MYT1L: variants seen among roughly 807,000 people sequenced by gnomAD.
MYT1L encodes the protein myelin transcription factor 1-like protein.
Under a neutral mutation model 126.7 loss-of-function variants are expected in MYT1L, and 12 were observed. The ratio of observed to expected loss-of-function variants is 0.09; its 90% CI spans 0.06 to 0.15. The LOEUF (loss-of-function observed/expected upper bound fraction) is 0.15. Ranked by LOEUF, MYT1L falls within the 10% of genes least tolerant of loss-of-function variation. MYT1L has a pLI of 1.00. For missense variants in MYT1L, 979 were observed against 1,585.2 expected (o/e 0.62, Z 6.49); for synonymous variants, 541 against 604.2 (o/e 0.90, Z 1.53).
chr2:2,222,284 C>G (rs1168876833), intron 2 of MYT1L, among the ~76,000 whole-genome samples: 1 of 152,064 alleles, frequency 6.6e-6, no homozygotes, highest in Non-Finnish European at 1.5e-5. Flanking sequence ...CACCTGAGGT[C>G]AGGAGTTGGA....
intron 3 of MYT1L, among the ~76,000 whole-genome samples, chr2:2,169,630 G>GT (rs570451591): frequency 7.3e-5 from 11 of 151,464 alleles, no homozygotes; most frequent in South Asian, 2.1e-4. Context: ...GTTTGCTATG[G>GT]TTTTTTTTTA....
At chr2:2,127,516 G>C (rs1242713152) in intron 3 of MYT1L, among the ~76,000 whole-genome samples, 1 of 152,182 alleles carries the variant, frequency 6.6e-6, no homozygotes, top group Non-Finnish European at 1.5e-5. Flanking sequence ...TCAATCTAGA[G>C]ATCCTGCTAC....
At chr2:2,303,112 T>G (rs1050834459) in intron 1 of MYT1L, among the ~76,000 whole-genome samples, 1 of 152,248 alleles carries the variant, frequency 6.6e-6, no homozygotes, top group Non-Finnish European at 1.5e-5. Flanking sequence ...AGTAATAGTT[T>G]GCAGATACTC....
intron 4 of MYT1L, among the ~76,000 whole-genome samples, chr2:2,005,490 T>C (rs966888531): frequency 6.6e-6 from 1 of 150,568 alleles, no homozygotes; most frequent in African/African-American, 2.4e-5. Context: ...ATGCGTTCTT[T>C]CCTGCAGGCA....
intron 3 of MYT1L, among the ~76,000 whole-genome samples, chr2:2,118,383 CA>C (rs1353646675): frequency 7.9e-5 from 12 of 152,196 alleles, no homozygotes; most frequent in African/African-American, 2.9e-4. Flanking sequence ...ATAACTTAAG[CA>C]AAATAATTGG....
chr2:2,068,050 G>T (rs987379184), intron 3 of MYT1L, among the ~76,000 whole-genome samples: 12 of 152,088 alleles, frequency 7.9e-5, no homozygotes, highest in Non-Finnish European at 5.9e-5. Flanking sequence ...CAACATCCTA[G>T]ATGTTTAATT....
intron 2 of MYT1L, among the ~76,000 whole-genome samples, chr2:2,190,889 G>A (rs943100266): frequency 1.3e-5 from 2 of 152,156 alleles, no homozygotes; most frequent in Non-Finnish European, 2.9e-5. Context: ...AGGTTCAAGT[G>A]ATTCTCCTGC....
At chr2:2,310,681 T>A (rs2095952531) in intron 1 of MYT1L, among the ~76,000 whole-genome samples, 1 of 152,188 alleles carries the variant, frequency 6.6e-6, no homozygotes, top group Non-Finnish European at 1.5e-5. Context: ...CTCCCTCCTT[T>A]CAGAAAATTT....
chr2:2,192,766 G>A lies in MYT1L; in HGVS notation c.-420-19778C>T, dbSNP rs75847149. Among the ~76,000 whole-genome samples, 766 of 152,226 alleles carry A rather than the reference G, an allele frequency of 5.0e-3. 5 individuals are homozygous for A. Among genetic ancestry groups the A allele is most frequent in the African/African-American group, 0.018 (742 of 41,530 alleles). ...GCTGGGAGGACTGCAATTGGGGGAC[G>A]GTGATGGGAGCAGAGGCTGGGATTC... On this transcript the variant is annotated intron_variant, in intron 2 of 24. Transcript: ENST00000647738.
At chr2:2,227,601 C>T (rs2094044677) in intron 2 of MYT1L, among the ~76,000 whole-genome samples, 1 of 152,206 alleles carries the variant, frequency 6.6e-6, no homozygotes, top group African/African-American at 2.4e-5. Context: ...ACATGGAAAG[C>T]TGACCGCACT....
At chr2:1,835,916 C>T (rs977773028) in intron 21 of MYT1L, among the ~76,000 whole-genome samples, 13 of 152,286 alleles carry the variant, frequency 8.5e-5, no homozygotes, top group East Asian at 1.9e-4. Context: ...TACTGATACC[C>T]GGGGCTGGAG....
chr2:2,317,416 C>T (rs181856328), intron 1 of MYT1L, among the ~76,000 whole-genome samples: 1 of 152,138 alleles, frequency 6.6e-6, no homozygotes, highest in Admixed American at 6.5e-5. Context: ...AGAACTGGGA[C>T]TCCCTCACTT....
chr2:2,329,375 A>G (rs1220224246), intron 1 of MYT1L, among the ~76,000 whole-genome samples: 1 of 152,146 alleles, frequency 6.6e-6, no homozygotes, highest in Non-Finnish European at 1.5e-5. Flanking sequence ...GATAATTTTG[A>G]TTCACGAATC....
At chr2:2,014,716 A>G (rs1225189206) in intron 4 of MYT1L, among the ~76,000 whole-genome samples, 1 of 152,238 alleles carries the variant, frequency 6.6e-6, no homozygotes, top group Non-Finnish European at 1.5e-5. Flanking sequence ...ATTTAGGCCA[A>G]GAATGGCCAG....
At chr2:2,126,947 G>A (rs1186394450) in intron 3 of MYT1L, among the ~76,000 whole-genome samples, 2 of 152,184 alleles carry the variant, frequency 1.3e-5, no homozygotes, top group Admixed American at 1.3e-4. Context: ...TTTTAGCCCA[G>A]CAATTCTCTT....
chr2:1,872,824 C>T (rs562812087), intron 18 of MYT1L, among the ~76,000 whole-genome samples: 1 of 152,330 alleles, frequency 6.6e-6, no homozygotes, highest in South Asian at 2.1e-4. Context: ...TGGGCACCAC[C>T]AGGTGCTATT....
intron 8 of MYT1L, among the ~76,000 whole-genome samples, chr2:1,948,029 T>C (rs936098289): frequency 4.6e-5 from 7 of 152,112 alleles, no homozygotes; most frequent in African/African-American, 1.2e-4. Context: ...ATCGATGTGA[T>C]AGAAGCGTCG....
chr2:1,900,526 C>G (rs1187768783), intron 14 of MYT1L, among the ~76,000 whole-genome samples: 1 of 152,128 alleles, frequency 6.6e-6, no homozygotes, highest in Non-Finnish European at 1.5e-5. Context: ...GTCTTGATCT[C>G]CTGACCTCGT....
At chr2:2,215,013 A>C (rs1479171932) in intron 2 of MYT1L, among the ~76,000 whole-genome samples, 1 of 152,200 alleles carries the variant, frequency 6.6e-6, no homozygotes, top group Non-Finnish European at 1.5e-5. Flanking sequence ...TTAATGGTAA[A>C]AAATTAAAGA....
Sources: allele counts gnomAD v4.1 joint callset (sites outside exome capture counted in the v4.1 genomes callset), GRCh38; gene constraint gnomAD v4.1.1; transcripts MANE v1.5; gene names NCBI Gene and HGNC (gene_info 2026-07-23, HGNC 2026-07-21).